Variants in TOP3A observed in about 807,000 individuals in gnomAD.
TOP3A encodes the protein DNA topoisomerase III alpha.
Under a neutral mutation model 111.3 loss-of-function variants are expected in TOP3A, and 64 were observed. The observed-to-expected ratio is 0.57, with a 90% CI of 0.47 to 0.71. The LOEUF is 0.71. Among genes scored for constraint, TOP3A ranks in the 30% least tolerant of loss-of-function variants. TOP3A has a pLI of 0.00. For synonymous variants in TOP3A, 484 were observed against 485.1 expected, an observed-to-expected ratio of 1.00 and a Z score of 0.03; for missense variants, 1,104 against 1,285.0, an observed-to-expected ratio of 0.86 and a Z score of 2.15.
chr17:18,298,383 G>A (rs1980992607), intron 9 of TOP3A, among the ~76,000 whole-genome samples: 1 of 145,166 alleles, frequency 6.9e-6, no homozygotes, highest in Non-Finnish European at 1.5e-5. Flanking sequence ...AGGGAGGTGG[G>A]GGGGTCAGCC....
At chr17:18,304,882 G>A (rs1981457501) in intron 5 of TOP3A, among the ~76,000 whole-genome samples, 1 of 152,100 alleles carries the variant, frequency 6.6e-6, no homozygotes, top group South Asian at 2.1e-4. Flanking sequence ...TCTAATCTCT[G>A]TGGCAGTCCC....
In TOP3A at chr17:18,292,700, T is replaced by C; in HGVS notation, c.1226A>G (p.Lys409Arg). The C allele has an allele frequency of 6.2e-7, 1 of 1,606,232 alleles. No individual in the cohort carries two copies. Residue 409 changes from lysine (K) to arginine (R), a missense_variant, in exon 11 of 19, where the codon AAG becomes AGG. Lys to Arg is a conservative substitution (Grantham distance 26). Coordinates refer to ENST00000321105, the MANE Select transcript of TOP3A (RefSeq NM_004618.5). ...AATGGGAGGGTGAGCTTGGTCAGAC[T>C]TGTTCCCATTGCGTGGGGTGGGACC... ...RGGPTPRNGN[K>R]SDQAHPPIHP...
chr17:18,275,778 C>G (rs558972961), intron 18 of TOP3A, among the ~76,000 whole-genome samples: 4 of 151,476 alleles, frequency 2.6e-5, no homozygotes, highest in East Asian at 1.9e-4. Flanking sequence ...CTCAGCCTCC[C>G]GAGAGTAGCT....
At chr17:18,301,702 C>T (rs1266301108) in intron 8 of TOP3A, among the ~76,000 whole-genome samples, 183 bp downstream of exon 8, 2 of 152,226 alleles carry the variant, frequency 1.3e-5, no homozygotes, top group Non-Finnish European at 2.9e-5. Context: ...AATGTAGATA[C>T]TTCCCTTTTC....
At chr17:18,275,521 G>A (rs1039140602) in intron 18 of TOP3A, among the ~76,000 whole-genome samples, 10 of 150,796 alleles carry the variant, frequency 6.6e-5, no homozygotes, top group African/African-American at 2.0e-4. Flanking sequence ...CACCACGCCC[G>A]GCTACTTTAT....
At chr17:18,299,270 T>A (rs899972982) in intron 9 of TOP3A, among the ~76,000 whole-genome samples, 1 of 152,052 alleles carries the variant, frequency 6.6e-6, no homozygotes, top group South Asian at 2.1e-4. Flanking sequence ...TACCAAAAAA[T>A]TTTAAAAATA....
intron 10 of TOP3A, among the ~76,000 whole-genome samples, chr17:18,293,225 A>C (rs1980588499): frequency 6.6e-6 from 1 of 152,220 alleles, no homozygotes; most frequent in African/African-American, 2.4e-5. Flanking sequence ...GTGCTTCAAG[A>C]CTTTTCTTAG....
At position 18,278,297 on chromosome 17, in the gene TOP3A, GCAAA is replaced by G; in HGVS notation, c.2201_2204del (p.Val734AlafsTer10). ...GGGTGTCGTCGCATCCGCCGATGCA[GCAAA>G]CAAACTCCAGAGGCATGGTCGGGGG... On this transcript the variant is annotated frameshift_variant, in exon 18 of 19. Transcript: ENST00000321105. LOFTEE classifies it high-confidence loss of function. 1 of 1,524,066 alleles carries G rather than the reference GCAAA, an allele frequency of 6.6e-7. No individual in the cohort carries two copies. The highest frequency in any genetic ancestry group is 8.8e-7 in the Non-Finnish European group (1 of 1,136,082). 94.4% of individuals were successfully genotyped at this position (1,524,066 alleles called of 1,614,324 possible).
At chr17:18,292,086 CT>C (rs1980512784) in intron 11 of TOP3A, among the ~76,000 whole-genome samples, 2 of 152,158 alleles carry the variant, frequency 1.3e-5, no homozygotes, top group African/African-American at 4.8e-5. Flanking sequence ...ATTTCCCCAG[CT>C]TTGTGAGAAG....
intron 10 of TOP3A, among the ~76,000 whole-genome samples, 175 bp from the exon 11 acceptor site, chr17:18,293,027 T>C (rs566569301): frequency 2.6e-5 from 4 of 152,120 alleles, no homozygotes; most frequent in Admixed American, 6.5e-5. Flanking sequence ...CACCCCCTCA[T>C]GGGATGAAAA....
At chr17:18,312,114 T>G (rs1435185667) in intron 1 of TOP3A, 1 of 152,336 alleles carries the variant, frequency 6.6e-6, no homozygotes, top group Non-Finnish European at 1.5e-5. Flanking sequence ...TATAAGTGGC[T>G]GATGTGCCAC....
Position 18,290,658 on chromosome 17 carries a change from T to G in TOP3A, c.1496A>C (p.His499Pro), listed in dbSNP as rs147048688. Residue 499 changes from histidine to proline, a missense_variant, in exon 13 of 19, where the codon CAC becomes CCC. By Grantham distance (77) the His-to-Pro change is moderately conservative. Transcript: ENST00000321105. The part of the protein sequence containing the change: ...KILPVYEQGS[H>P]FQPSTVEMVD... ...CATCTCCACGGTGCTGGGCTGAAAG[T>G]GGGATCCTTGCTCATAGACAGGGAG... The G allele has an allele frequency of 1.5e-4, 235 of 1,607,870 alleles. No individual in the cohort carries two copies. The highest frequency in any genetic ancestry group is 1.9e-4 in the Non-Finnish European group (223 of 1,176,124).
chr17:18,288,309 C>A (rs1371701245), intron 13 of TOP3A, among the ~76,000 whole-genome samples: 2 of 151,496 alleles, frequency 1.3e-5, no homozygotes, highest in Non-Finnish European at 2.9e-5. Context: ...TCAGCCATAA[C>A]ACCTAGCAAT....
Position 18,294,716 on chromosome 17 carries a change from G to C in TOP3A, c.1060C>G (p.Leu354Val). The change falls in exon 10 of 19, where the codon CTC (leucine) becomes GTC (valine). Residue 354 changes from leucine (L) to valine (V), a missense_variant. Leu to Val is a conservative substitution (Grantham distance 32). Coordinates refer to ENST00000321105, the MANE Select transcript of TOP3A (RefSeq NM_004618.5). ...CAAAATACTTACCCTTGAGTGTAGA[G>C]CTTCTCAGCAATCCTCATGGTTTCT... is the stretch of plus-strand genomic sequence containing the variant. ...AKETMRIAEKLYTQGYISYPR... is the reference protein window; with the variant it reads ...AKETMRIAEKVYTQGYISYPR... 6.2e-6 allele frequency: 10 copies of C among 1,607,550 alleles called. No homozygotes were observed. Among genetic ancestry groups the C allele is most frequent in the Non-Finnish European group, 8.5e-6 (10 of 1,176,536 alleles).
chr17:18,271,752 G>A lies in TOP3A; in HGVS notation c.*3050C>T, dbSNP rs1195782948. On this transcript the variant is annotated 3_prime_UTR_variant, in exon 19 of 19. Coordinates refer to ENST00000321105, the MANE Select transcript of TOP3A (RefSeq NM_004618.5). ...CTCCTACAACTCAACAACAAAGACAGACAACACAATTTAAAAATGGGGGAA... is the reference window on the plus strand; with the variant it reads ...CTCCTACAACTCAACAACAAAGACAAACAACACAATTTAAAAATGGGGGAA... 87 of 451,482 alleles carry A rather than the reference G, an allele frequency of 1.9e-4. No homozygotes were observed. Among genetic ancestry groups the A allele is most frequent in the South Asian group, 1.4e-3 (87 of 63,160 alleles). 28.0% of individuals were successfully genotyped at this position (451,482 alleles called of 1,614,324 possible).
At chr17:18,277,154 A>G (rs1291571480) in intron 18 of TOP3A, among the ~76,000 whole-genome samples, 1 of 141,780 alleles carries the variant, frequency 7.1e-6, no homozygotes, top group East Asian at 2.0e-4. Flanking sequence ...ATTGCACTCC[A>G]GTCTGGGCAA....
chr17:18,282,171 C>T (rs1175779097), intron 16 of TOP3A, among the ~76,000 whole-genome samples: 2 of 152,152 alleles, frequency 1.3e-5, no homozygotes, highest in Non-Finnish European at 2.9e-5. Context: ...CCATTCAGAA[C>T]TAAAACTAGG....
At chr17:18,288,584 CAA>C (rs1980272128) in intron 13 of TOP3A, among the ~76,000 whole-genome samples, 1 of 152,192 alleles carries the variant, frequency 6.6e-6, no homozygotes, top group Admixed American at 6.5e-5. Context: ...CAAGGCCCTG[CAA>C]AGTCAGGCTT....
intron 1 of TOP3A, among the ~76,000 whole-genome samples, chr17:18,309,894 T>C (rs1008714238): frequency 6.6e-6 from 1 of 150,422 alleles, no homozygotes; most frequent in African/African-American, 2.4e-5. Flanking sequence ...GTATTTTTAG[T>C]AGAGATGGGG....
Sources: allele counts gnomAD v4.1 joint callset (sites outside exome capture counted in the v4.1 genomes callset), GRCh38; gene constraint gnomAD v4.1.1; transcripts MANE v1.5; gene names NCBI Gene and HGNC (gene_info 2026-07-23, HGNC 2026-07-21).